The following SCRN3 variants were observed in gnomAD, a reference collection of about 807,000 sequenced individuals.
SCRN3 encodes secernin 3.
A neutral mutation model predicts 43.1 loss-of-function variants in SCRN3; 39 were observed. The observed-to-expected ratio is 0.91, with a 90% CI of 0.70 to 1.18. The LOEUF (loss-of-function observed/expected upper bound fraction) is 1.18, where lower values mean the gene tolerates loss of function less well. Ranked by LOEUF, SCRN3 falls within the 50% of genes most tolerant of loss-of-function variation. SCRN3 has a pLI of 0.00. For missense variants in SCRN3, 484 were observed against 498.0 expected (o/e 0.97, Z 0.27); for synonymous variants, 147 against 163.1 (o/e 0.90, Z 0.75).
chr2:174,420,707 T>C (rs1686265763), intron 5 of SCRN3, among the ~76,000 whole-genome samples: 1 of 152,026 alleles, frequency 6.6e-6, no homozygotes, highest in Admixed American at 6.5e-5. Flanking sequence ...TAACAACAGA[T>C]TAGGTATAAC....
chr2:174,403,085 TA>T (rs35095233), intron 4 of SCRN3, among the ~76,000 whole-genome samples: 28,930 of 102,936 alleles, frequency 0.28, 3,218 homozygotes, highest in East Asian at 0.53. Context: ...AACTCAGTAG[TA>T]AAAAAAAAAA....
intron 5 of SCRN3, among the ~76,000 whole-genome samples, chr2:174,414,488 G>T (rs994291798): frequency 1.3e-5 from 2 of 151,976 alleles, no homozygotes; most frequent in African/African-American, 4.8e-5. Context: ...AGCAATATAC[G>T]ATGTAGATCA....
In SCRN3 at chr2:174,427,845, G is replaced by A. The variant is rs62173638; in HGVS notation, c.1225G>A (p.Asp409Asn). Reference sequence around the variant, plus strand: ...TAATCTCTTTCCTCAGTGTACAAAAGATGAAATTCAAATTTATCAGTCAAA... The same window carrying A: ...TAATCTCTTTCCTCAGTGTACAAAAAATGAAATTCAAATTTATCAGTCAAA... Reference protein sequence around the residue: ...IVNLFPQCTKDEIQIYQSNLS... With the variant: ...IVNLFPQCTKNEIQIYQSNLS... Residue 409 changes from aspartate (D) to asparagine (N), a missense_variant, in exon 8 of 8, where the codon GAT (aspartate) becomes AAT (asparagine). Asp to Asn is a conservative substitution (Grantham distance 23, BLOSUM62 1). Transcript: ENST00000272732. 1.9e-6 allele frequency: 3 copies of A among 1,603,620 alleles called. No individual in the cohort carries two copies. Among genetic ancestry groups the A allele is most frequent in the Non-Finnish European group, 2.6e-6 (3 of 1,172,110 alleles).
chr2:174,426,022 G>A (rs1284507878), intron 7 of SCRN3, among the ~76,000 whole-genome samples: 1 of 151,980 alleles, frequency 6.6e-6, no homozygotes, highest in Non-Finnish European at 1.5e-5. Flanking sequence ...GTTTAAATAG[G>A]TAAAAATATG....
chr2:174,398,159 A>T, intron 1 of SCRN3, 116 bp from the exon 2 acceptor site: 1 of 622,292 alleles, frequency 1.6e-6, no homozygotes, highest in Non-Finnish European at 2.5e-6. Flanking sequence ...TCAAAGCTTT[A>T]ATGAACATCC....
intron 5 of SCRN3, among the ~76,000 whole-genome samples, chr2:174,412,521 A>C (rs1050235838): frequency 6.6e-5 from 10 of 152,150 alleles, no homozygotes; most frequent in African/African-American, 2.4e-4. Context: ...TGTGGTCCAA[A>C]TACCACAGGA....
intron 5 of SCRN3, among the ~76,000 whole-genome samples, chr2:174,415,056 C>T (rs570141993): frequency 3.7e-4 from 57 of 152,272 alleles, no homozygotes; most frequent in Non-Finnish European, 5.7e-4. Flanking sequence ...TGAGCCACTG[C>T]ACCCAGCCAA....
chr2:174,426,643 G>T (rs1379024038), intron 7 of SCRN3, among the ~76,000 whole-genome samples: 2 of 151,784 alleles, frequency 1.3e-5, no homozygotes, highest in African/African-American at 4.8e-5. Context: ...TTGGTGGCGG[G>T]TGCCTGTAAT....
At chr2:174,424,894 T>C (rs955254080) in intron 7 of SCRN3, among the ~76,000 whole-genome samples, 1 of 152,228 alleles carries the variant, frequency 6.6e-6, no homozygotes, top group Non-Finnish European at 1.5e-5. Flanking sequence ...GTTGAACACT[T>C]ACATAGCACT....
In SCRN3 at chr2:174,404,276, A is replaced by T. The variant is rs750024868; in HGVS notation, c.715A>T (p.Arg239Ter). 2 of 1,613,796 alleles carry T rather than the reference A, an allele frequency of 1.2e-6. No individual in the cohort carries two copies. The highest frequency in any genetic ancestry group is 1.7e-6 in the Non-Finnish European group (2 of 1,179,762). Residue 239 changes from arginine to a stop codon, truncating the protein, a stop_gained, in exon 5 of 8, where the codon AGA becomes TGA. Transcript: ENST00000272732. LOFTEE classifies it high-confidence loss of function. ...AGCCAAGATGATGACTTCATCAGGC[A>T]GATACTGTGAGGGCTACAAGCTTCT... ...DTAKMMTSSG[R>*]YCEGYKLLNK...
rs575951477 is a variant in SCRN3 at position 174,404,458 on chromosome 2, AT to A, written c.754+153del. ...AATGAAAAATATTTATTATAAACCT[AT>A]TTTTTTTTTATTATACTTTAAGTTT... is the stretch of plus-strand genomic sequence containing the variant. On this transcript the variant is annotated intron_variant, in intron 5 of 7. Transcript: ENST00000272732. The A allele has an allele frequency of 9.9e-3, 5,033 of 508,040 alleles. 42 individuals are homozygous for A. The highest frequency in any genetic ancestry group is 0.041 in the African/African-American group (2,039 of 49,796). 31.5% of individuals were successfully genotyped at this position (508,040 alleles called of 1,614,324 possible).
chr2:174,421,850 T>C (rs1278767314), intron 5 of SCRN3, among the ~76,000 whole-genome samples: 2 of 152,150 alleles, frequency 1.3e-5, no homozygotes, highest in Admixed American at 6.6e-5. Flanking sequence ...AGGCAGTAAT[T>C]GGAGCTAAGT....
At chr2:174,399,657 C>G (rs1685435720) in intron 2 of SCRN3, among the ~76,000 whole-genome samples, 1 of 152,060 alleles carries the variant, frequency 6.6e-6, no homozygotes, top group Admixed American at 6.6e-5. Flanking sequence ...TTATCTGATT[C>G]ATCTTTGTAA....
intron 5 of SCRN3, among the ~76,000 whole-genome samples, chr2:174,415,645 A>G (rs1223634190): frequency 6.6e-6 from 1 of 152,144 alleles, no homozygotes; most frequent in Non-Finnish European, 1.5e-5. Flanking sequence ...AAATGTTTGT[A>G]TTAAAAAAAT....
chr2:174,417,645 G>A (rs928384616), intron 5 of SCRN3, among the ~76,000 whole-genome samples: 2 of 152,066 alleles, frequency 1.3e-5, no homozygotes, highest in East Asian at 1.9e-4. Context: ...CGCCCACCTC[G>A]GCCTCCCAAA....
chr2:174,412,026 T>C (rs1685936665), intron 5 of SCRN3, among the ~76,000 whole-genome samples: 1 of 152,282 alleles, frequency 6.6e-6, no homozygotes, highest in African/African-American at 2.4e-5. Flanking sequence ...TAAACTCTAC[T>C]CTGTCTCTCT....
Position 174,398,431 on chromosome 2 carries a change from G to A in SCRN3, c.148G>A (p.Glu50Lys). ...TGCTGTAGTTCATGATAACCTGGGA[G>A]AACGTCTTAAGGTAGGTGAAATAAA... ...FPAVVHDNLG[E>K]RLKCTYIEID... is the part of the protein sequence containing the mutation. Residue 50 changes from glutamate (E) to lysine (K), a missense_variant, in exon 2 of 8, where the codon GAA becomes AAA. Glu to Lys is a moderately conservative substitution (Grantham distance 56). Coordinates refer to ENST00000272732, the MANE Select transcript of SCRN3 (RefSeq NM_024583.5). 4 of 1,597,422 alleles carry A rather than the reference G, an allele frequency of 2.5e-6. No individual in the cohort carries two copies. Among genetic ancestry groups the A allele is most frequent in the Non-Finnish European group, 3.4e-6 (4 of 1,175,094 alleles).
rs750894171 is a variant in SCRN3 at position 174,427,887 on chromosome 2, A to G, written c.1267A>G (p.Ser423Gly). 6.4e-7 allele frequency: 1 copy of G among 1,563,944 alleles called. No homozygotes were observed. The highest frequency in any genetic ancestry group is 8.8e-7 in the Non-Finnish European group (1 of 1,136,344). Residue 423 changes from serine (S) to glycine (G), a missense_variant, in exon 8 of 8, where the codon AGT becomes GGT. Ser to Gly is a moderately conservative substitution (Grantham distance 56, BLOSUM62 0). Coordinates refer to ENST00000272732, the MANE Select transcript of SCRN3 (RefSeq NM_024583.5). ...IYQSNLSVKV[S>G]S ...TCAGTCAAATTTATCAGTCAAAGTT[A>G]GTTCTTAGTGATCATATGGTCAGCT...
intron 7 of SCRN3, among the ~76,000 whole-genome samples, chr2:174,426,607 A>C (rs1686492183): frequency 6.6e-6 from 1 of 151,994 alleles, no homozygotes; most frequent in African/African-American, 2.4e-5. Context: ...CCCCGTCTGT[A>C]CTAAAACTAC....
Sources: gnomAD v4.1 joint callset for allele counts (sites outside exome capture counted in the v4.1 genomes callset) on GRCh38, gnomAD v4.1.1 for gene constraint, MANE v1.5 for transcripts, NCBI Gene and HGNC (gene_info 2026-07-23, HGNC 2026-07-21) for gene names.